Variants in UBE2L3 observed in about 807,000 individuals in gnomAD.
The protein encoded by UBE2L3 is ubiquitin conjugating enzyme E2 L3, also known as ubiquitin-conjugating enzyme E2 L3.
A neutral mutation model predicts 17.8 loss-of-function variants in UBE2L3; 1 was observed. That is an observed-to-expected ratio of 0.06 (90% CI 0.02 to 0.27). The LOEUF is 0.27. Ranked by LOEUF, UBE2L3 falls within the 10% of genes least tolerant of loss-of-function variation. The pLI, the probability that UBE2L3 is intolerant of heterozygous loss-of-function variation, is 1.00. For synonymous variants in UBE2L3, 44 were observed against 68.5 expected, an observed-to-expected ratio of 0.64 and a Z score of 1.76; for missense variants, 40 against 192.6, an observed-to-expected ratio of 0.21 and a Z score of 4.69.
chr22:21,601,787 C>T (rs1292176088), intron 2 of UBE2L3, among the ~76,000 whole-genome samples: 5 of 151,436 alleles, frequency 3.3e-5, no homozygotes, highest in African/African-American at 7.3e-5. Context: ...CTGGCTAACA[C>T]GGTGAAACCC....
chr22:21,574,761 T>C (rs899274747), intron 1 of UBE2L3, among the ~76,000 whole-genome samples: 3 of 151,886 alleles, frequency 2.0e-5, no homozygotes, highest in African/African-American at 7.3e-5. Flanking sequence ...GGTCAGGAGA[T>C]TGAGACAATC....
intron 3 of UBE2L3, chr22:21,614,548 T>A: frequency 7.3e-7 from 1 of 1,366,948 alleles, no homozygotes; most frequent in Non-Finnish European, 9.8e-7. Context: ...CTCCTGCCCT[T>A]GTCCTTAGAA....
chr22:21,591,842 C>T (rs971238056), intron 1 of UBE2L3, among the ~76,000 whole-genome samples: 3 of 152,080 alleles, frequency 2.0e-5, no homozygotes, highest in Non-Finnish European at 4.4e-5. Context: ...GGTGTGGAGG[C>T]GGCTTTTGTG....
chr22:21,575,631 C>CTTTTTT lies in UBE2L3; in HGVS notation c.27+7883_27+7888dup, dbSNP rs533923826. Among the ~76,000 whole-genome samples the CTTTTTT allele has an allele frequency of 9.4e-4, 69 of 73,434 alleles. 12 individuals carry two copies. The highest frequency in any genetic ancestry group is 3.5e-3 in the African/African-American group (60 of 17,366). 48.2% of individuals were successfully genotyped at this position (73,434 alleles called of 152,430 possible). A position where few individuals can be genotyped will look rare whatever the true frequency, so the allele number is the denominator to read the frequency against. ...TACTTTTCCCAACAAAGTTGAATAG[C>CTTTTTT]TTTTTTTTTTTTTTTTTTTTTTTTT... On this transcript the variant is annotated intron_variant, in intron 1 of 3. Transcript: ENST00000342192.
rs532267113 is a variant in UBE2L3 at position 21,612,515 on chromosome 22, CG to C, written c.310+1476del. On this transcript the variant is annotated intron_variant, in intron 3 of 3. Transcript: ENST00000342192. ...TAATTTTTTGTATTTTTAGTAGAGA[CG>C]GGGTTTCACCATGTTAGCCAGGATG... Among the ~76,000 whole-genome samples the C allele has an allele frequency of 7.3e-5, 11 of 151,052 alleles. 1 individual carries two copies. Among genetic ancestry groups the C allele is most frequent in the African/African-American group, 2.7e-4 (11 of 41,234 alleles).
chr22:21,564,233 T>G (rs1220627773), upstream of UBE2L3, among the ~76,000 whole-genome samples: 2 of 152,024 alleles, frequency 1.3e-5, no homozygotes, highest in Non-Finnish European at 2.9e-5. Context: ...GGGGTCTCCC[T>G]ATGTTGCCCA....
chr22:21,623,211 C>G lies in UBE2L3; in HGVS notation c.*1542C>G, dbSNP rs1930137472. The G allele has an allele frequency of 6.6e-6, 1 of 152,328 alleles. No homozygotes were observed. Among genetic ancestry groups the G allele is most frequent in the Admixed American group, 6.5e-5 (1 of 15,272 alleles). The allele number at this position is 152,328 out of a possible 1,614,324, so 9.4% of individuals were successfully genotyped here. A position where few individuals can be genotyped will look rare whatever the true frequency, so the allele number is the denominator to read the frequency against. The stretch of plus-strand genomic sequence containing the variant: ...TTCCGGGGCCTACAGGCGTGTAAGA[C>G]AGCTTGGTCTGGTCTGTGCAGAAGT... On this transcript the variant is annotated 3_prime_UTR_variant, in exon 4 of 4. Transcript: ENST00000342192.
At chr22:21,568,129 C>T (rs774760554) in intron 1 of UBE2L3, 1 of 1,048,586 alleles carries the variant, frequency 9.5e-7, no homozygotes, top group Non-Finnish European at 1.1e-6. Flanking sequence ...CGGGCGCCTT[C>T]GGGGAAGGCC....
intron 3 of UBE2L3, among the ~76,000 whole-genome samples, chr22:21,615,413 A>G (rs372767311): frequency 9.4e-5 from 14 of 149,426 alleles, no homozygotes; most frequent in South Asian, 2.1e-4. Context: ...AAATTAGCCG[A>G]GCTTGGTGGC....
intron 3 of UBE2L3, among the ~76,000 whole-genome samples, chr22:21,618,880 C>T (rs1333139373): frequency 6.6e-6 from 1 of 152,166 alleles, no homozygotes; most frequent in Non-Finnish European, 1.5e-5. Flanking sequence ...GTGTGAGCCA[C>T]CAACCTCTGC....
chr22:21,566,420 C>T (rs111504111), upstream of UBE2L3, among the ~76,000 whole-genome samples: 10,067 of 151,556 alleles, frequency 0.066, 480 homozygotes, highest in Non-Finnish European at 0.1. Flanking sequence ...TTCATTTCTA[C>T]AAAAAATAAA....
At chr22:21,590,946 C>A (rs1295111924) in intron 1 of UBE2L3, among the ~76,000 whole-genome samples, 1 of 152,214 alleles carries the variant, frequency 6.6e-6, no homozygotes, top group Non-Finnish European at 1.5e-5. Flanking sequence ...GCTTCCTGAT[C>A]CCTGCCCTTG....
intron 2 of UBE2L3, among the ~76,000 whole-genome samples, chr22:21,594,964 C>T (rs1337151511): frequency 6.6e-6 from 1 of 152,220 alleles, no homozygotes; most frequent in Non-Finnish European, 1.5e-5. Flanking sequence ...ATTTAGTGGC[C>T]TGAGAGCCTG....
In UBE2L3 at chr22:21,591,102, G is replaced by A. The variant is rs148153578; in HGVS notation, c.28-1759G>A. ...TGAGCAGGAGGACCAGGTGGCAGTT[G>A]GCAGGTTGGAGTGGTCCCTCAGGTT... On this transcript the variant is annotated intron_variant, in intron 1 of 3. Transcript: ENST00000342192. Among the ~76,000 whole-genome samples, 368 of 152,286 alleles carry A rather than the reference G, an allele frequency of 2.4e-3. 1 individual carries two copies. The highest frequency in any genetic ancestry group is 8.5e-3 in the African/African-American group (352 of 41,560).
intron 1 of UBE2L3, among the ~76,000 whole-genome samples, chr22:21,557,165 G>A (rs1318126971): frequency 3.3e-5 from 5 of 152,382 alleles, no homozygotes; most frequent in Admixed American, 6.5e-5. Context: ...AGGAGTTCAA[G>A]ACCAGCCTAG....
chr22:21,601,938 C>G (rs1928883729), intron 2 of UBE2L3, among the ~76,000 whole-genome samples: 1 of 148,022 alleles, frequency 6.8e-6, no homozygotes, highest in Non-Finnish European at 1.5e-5. Flanking sequence ...CGCCACTGAA[C>G]TCCAGCCTCA....
intron 2 of UBE2L3, among the ~76,000 whole-genome samples, chr22:21,603,516 C>G: frequency 8.6e-6 from 1 of 116,914 alleles, no homozygotes; most frequent in East Asian, 2.7e-4. Flanking sequence ...GGTGACAGAG[C>G]GAGACTCTGT....
chr22:21,582,797 T>C (rs550248518), intron 1 of UBE2L3, among the ~76,000 whole-genome samples: 25 of 152,296 alleles, frequency 1.6e-4, no homozygotes, highest in African/African-American at 6.0e-4. Context: ...GTGCTGGGAT[T>C]ACAGGCGTGA....
chr22:21,589,711 A>G lies in UBE2L3; in HGVS notation c.28-3150A>G, dbSNP rs558231734. Among the ~76,000 whole-genome samples, 20 of 152,268 alleles carry G rather than the reference A, an allele frequency of 1.3e-4. No individual in the cohort carries two copies. The South Asian group carries it at 3.9e-3, about 30-fold the overall frequency. The stretch of plus-strand genomic sequence containing the variant: ...ATGGTATGCTCATCATTCTCTGAAG[A>G]TGTCAGGGCCTGTTTGTTTGTTTGC... On this transcript the variant is annotated intron_variant, in intron 1 of 3. Transcript: ENST00000342192.
Sources: gnomAD v4.1 joint callset for allele counts (sites outside exome capture counted in the v4.1 genomes callset) on GRCh38, gnomAD v4.1.1 for gene constraint, MANE v1.5 for transcripts, NCBI Gene and HGNC (gene_info 2026-07-23, HGNC 2026-07-21) for gene names.